The following LGR5 variants were observed in gnomAD, a reference collection of about 807,000 sequenced individuals.
LGR5 encodes leucine-rich repeat-containing G protein-coupled receptor 5.
LGR5 carries 54 observed loss-of-function variants against 76.7 expected under a neutral mutation model. The observed-to-expected ratio is 0.70, with a 90% CI of 0.57 to 0.88. The LOEUF is 0.88. Ranked by LOEUF, LGR5 falls within the 40% of genes least tolerant of loss-of-function variation. The probability of loss-of-function intolerance (pLI) is 0.00; values close to 1 mark genes in which losing one functional copy is unlikely to be tolerated. For missense variants in LGR5, 1,078 were observed against 1,073.3 expected, an observed-to-expected ratio of 1.00 and a Z score of -0.06; for synonymous variants, 406 against 421.9, an observed-to-expected ratio of 0.96 and a Z score of 0.46.
intron 1 of LGR5, among the ~76,000 whole-genome samples, chr12:71,481,054 G>T (rs982264227): frequency 6.6e-6 from 1 of 152,178 alleles, no homozygotes; most frequent in African/African-American, 2.4e-5. Context: ...CATGAAATGG[G>T]ATGGGATGAC....
At chr12:71,469,296 T>C (rs1051231101) in intron 1 of LGR5, among the ~76,000 whole-genome samples, 2 of 152,246 alleles carry the variant, frequency 1.3e-5, no homozygotes, top group Non-Finnish European at 2.9e-5. Context: ...GGATTAGAAT[T>C]GCCTCACTTC....
chr12:71,453,144 G>C (rs1872317797), intron 1 of LGR5, among the ~76,000 whole-genome samples: 1 of 152,198 alleles, frequency 6.6e-6, no homozygotes, highest in Admixed American at 6.5e-5. Context: ...TAAAGAACTA[G>C]AGGAGAAAGA....
chr12:71,512,412 A>G (rs1015767218), intron 2 of LGR5, among the ~76,000 whole-genome samples: 2 of 152,204 alleles, frequency 1.3e-5, no homozygotes, highest in African/African-American at 4.8e-5. Flanking sequence ...TAAATATTAA[A>G]CAGAGAGAAC....
chr12:71,463,984 G>A (rs1249706414), intron 1 of LGR5, among the ~76,000 whole-genome samples: 1 of 152,098 alleles, frequency 6.6e-6, no homozygotes, highest in Non-Finnish European at 1.5e-5. Context: ...GAGGTTAGCT[G>A]ATAACTCTTT....
At chr12:71,448,883 C>T (rs80086526) in intron 1 of LGR5, 9,971 of 152,188 alleles carry the variant, frequency 0.066, 358 homozygotes, top group Middle Eastern at 0.085. Flanking sequence ...CTGAAGGGAC[C>T]CTTAGCAGAC....
chr12:71,511,581 T>C (rs892318318), intron 2 of LGR5, among the ~76,000 whole-genome samples: 14 of 152,108 alleles, frequency 9.2e-5, no homozygotes, highest in African/African-American at 2.7e-4. Context: ...AGGCCAGGGA[T>C]TGGGAGGAGA....
At chr12:71,578,084 C>G in intron 14 of LGR5, 88 bp downstream of exon 14, 2 of 999,560 alleles carry the variant, frequency 2.0e-6, no homozygotes, top group South Asian at 1.3e-5. Context: ...GTTGAAGAAG[C>G]TGGATATGCA....
In LGR5 at chr12:71,585,362, C is replaced by T. The variant is rs1183968921; in HGVS notation, c.*628C>T. The T allele has an allele frequency of 6.6e-6, 1 of 152,352 alleles. No individual in the cohort carries two copies. Among genetic ancestry groups the T allele is most frequent in the Non-Finnish European group, 1.5e-5 (1 of 68,170 alleles). 9.4% of individuals were successfully genotyped at this position (152,352 alleles called of 1,614,324 possible). A position where few individuals can be genotyped will look rare whatever the true frequency, so the allele number is the denominator to read the frequency against. On this transcript the variant is annotated 3_prime_UTR_variant, in exon 18 of 18. Transcript: ENST00000266674. ...AGAGATACCAGGTTTTATGTATCAG[C>T]ACTAGATGGTTCCACCCTCATGGGA...
rs1234259785 is a variant in LGR5 at position 71,583,779 on chromosome 12, C to A, written c.1769C>A (p.Ser590Tyr). The A allele has an allele frequency of 1.2e-6, 2 of 1,614,082 alleles. No individual in the cohort carries two copies. Among genetic ancestry groups the A allele is most frequent in the Middle Eastern group, 1.6e-4 (1 of 6,062 alleles). ...STVFRSPLYI[S>Y]PIKLLIGVIA... ...GTTTTCAGATCCCCTCTGTACATTT[C>A]CCCCATTAAACTGTTAATTGGGGTC... Residue 590 changes from serine to tyrosine, a missense_variant, in exon 18 of 18, where the codon TCC becomes TAC. Ser to Tyr is a moderately radical substitution (Grantham distance 144). Coordinates refer to ENST00000266674, the MANE Select transcript of LGR5 (RefSeq NM_003667.4).
chr12:71,442,917 A>T (rs1030868876), intron 1 of LGR5, among the ~76,000 whole-genome samples: 1 of 152,224 alleles, frequency 6.6e-6, no homozygotes, highest in Non-Finnish European at 1.5e-5. Context: ...CTTCCCTTTG[A>T]TGTTGAAAGG....
intron 2 of LGR5, among the ~76,000 whole-genome samples, chr12:71,521,945 A>C (rs1027343502): frequency 2.0e-5 from 3 of 152,244 alleles, no homozygotes; most frequent in Non-Finnish European, 4.4e-5. Flanking sequence ...ACTGACCATC[A>C]GAAACTGAGC....
intron 1 of LGR5, among the ~76,000 whole-genome samples, chr12:71,460,768 A>G (rs1319901581): frequency 6.6e-6 from 1 of 152,068 alleles, no homozygotes; most frequent in East Asian, 1.9e-4. Context: ...CTCCTCTCCT[A>G]CATAGTGACT....
chr12:71,580,279 G>A lies in LGR5; in HGVS notation c.1408G>A (p.Val470Ile). Residue 470 changes from valine (V) to isoleucine (I), a missense_variant and splice_region_variant, in exon 16 of 18, where the codon GTT becomes ATT. Transcript: ENST00000266674. The stretch of plus-strand genomic sequence containing the variant: ...TGTTTGGGTTTTGTTCATTTAAAGG[G>A]TTATAGAAATGCCTTATGCTTACCA... ...ISSENFPELK[V>I]IEMPYAYQCC... is the part of the protein sequence containing the mutation. 1.2e-6 allele frequency: 2 copies of A among 1,608,920 alleles called. No homozygotes were observed. Among genetic ancestry groups the A allele is most frequent in the Non-Finnish European group, 1.7e-6 (2 of 1,178,204 alleles).
chr12:71,582,945 GAAGGAAGGAAGGAAGGAAGA>G (rs953075805), intron 17 of LGR5, among the ~76,000 whole-genome samples: 1 of 117,580 alleles, frequency 8.5e-6, no homozygotes, highest in African/African-American at 3.3e-5. Flanking sequence ...CAGATAAGAG[GAAGGAAGGAAGGAAGGAAGA>G]AAGGAAGGAA....
intron 17 of LGR5, chr12:71,583,354 T>A: frequency 6.0e-6 from 2 of 333,424 alleles, no homozygotes; most frequent in Non-Finnish European, 1.1e-5. Context: ...TTTACCTGGC[T>A]CCAACACAGC....
intron 11 of LGR5, 154 bp downstream of exon 11, chr12:71,567,066 A>G (rs1878387326): frequency 3.1e-6 from 2 of 650,834 alleles, no homozygotes; most frequent in Non-Finnish European, 5.6e-6. Flanking sequence ...TCTTTGGTCC[A>G]GGCTCTCTGA....
In LGR5 at chr12:71,450,446, A is replaced by G. The variant is rs976381818; in HGVS notation, c.212+10154A>G. Among the ~76,000 whole-genome samples the G allele has an allele frequency of 6.6e-5, 10 of 152,266 alleles. No individual in the cohort carries two copies. In the East Asian group the frequency reaches 1.9e-3, roughly 29 times the overall value. ...ATAATTAAGCATAATTAATTCCCCAAATGTCTGTTCATAGTTGTCATTTAC... is the reference window on the plus strand; with the variant it reads ...ATAATTAAGCATAATTAATTCCCCAGATGTCTGTTCATAGTTGTCATTTAC... On this transcript the variant is annotated intron_variant, in intron 1 of 17. Transcript: ENST00000266674.
intron 2 of LGR5, among the ~76,000 whole-genome samples, chr12:71,510,688 G>A (rs1875109689): frequency 6.6e-6 from 1 of 152,162 alleles, no homozygotes; most frequent in Non-Finnish European, 1.5e-5. Flanking sequence ...TATGATATTT[G>A]CTAATTGTGA....
intron 1 of LGR5, among the ~76,000 whole-genome samples, chr12:71,468,988 T>G (rs1346342478): frequency 6.6e-6 from 1 of 152,206 alleles, no homozygotes; most frequent in Non-Finnish European, 1.5e-5. Context: ...AATGTCACAT[T>G]GTTCGAAAAG....
Sources: allele counts gnomAD v4.1 joint callset (sites outside exome capture counted in the v4.1 genomes callset), GRCh38; gene constraint gnomAD v4.1.1; transcripts MANE v1.5; gene names NCBI Gene and HGNC (gene_info 2026-07-23, HGNC 2026-07-21).